Variants in DSC1 observed in about 807,000 individuals in gnomAD.
DSC1 encodes desmocollin 1, also known as desmocollin-1.
A neutral mutation model predicts 98.8 loss-of-function variants in DSC1; 79 were observed. The ratio of observed to expected loss-of-function variants is 0.80; its 90% CI spans 0.67 to 0.96. DSC1 has a LOEUF of 0.96. Among genes scored for constraint, DSC1 ranks in the 50% least tolerant of loss-of-function variants. The probability of loss-of-function intolerance (pLI) is 0.00; values close to 1 mark genes in which losing one functional copy is unlikely to be tolerated. For missense variants in DSC1, 1,115 were observed against 1,075.9 expected, an observed-to-expected ratio of 1.04 and a Z score of -0.51; for synonymous variants, 405 against 372.1, an observed-to-expected ratio of 1.09 and a Z score of -1.02.
At chr18:31,153,737 A>G (rs1238563737) in intron 5 of DSC1, among the ~76,000 whole-genome samples, 3 of 152,030 alleles carry the variant, frequency 2.0e-5, no homozygotes, top group Admixed American at 2.0e-4. Flanking sequence ...TTCAAATTAC[A>G]CTTCAGCCAG....
At chr18:31,160,894 A>G (rs1989196017) in intron 1 of DSC1, among the ~76,000 whole-genome samples, 2 of 152,130 alleles carry the variant, frequency 1.3e-5, no homozygotes, top group South Asian at 4.1e-4. Flanking sequence ...GTGTGTATAT[A>G]TATACACACA....
chr18:31,131,600 A>C lies in DSC1; in HGVS notation c.2481T>G (p.Leu827=). Residue 827 remains leucine (L), a synonymous_variant, in exon 15 of 16, where the codon CTT becomes CTG. Coordinates refer to ENST00000257198, the MANE Select transcript of DSC1 (RefSeq NM_024421.2). ...CAAAGACAGTGGAACTTACTTCGCC[A>C]AGCCGAGGTTGGGTGAAACTCTGCC... ...TDWQSFTQPR[L]GEKVYLCGQD... is the part of the protein sequence containing the mutation. 6.2e-7 allele frequency: 1 copy of C among 1,614,050 alleles called. No homozygotes were observed. The highest frequency in any genetic ancestry group is 1.7e-5 in the Admixed American group (1 of 59,998).
intron 15 of DSC1, 196 bp downstream of exon 15, chr18:31,131,398 A>G: frequency 1.3e-6 from 1 of 756,634 alleles, no homozygotes; most frequent in Non-Finnish European, 2.1e-6. Flanking sequence ...AAGTTTTGTA[A>G]ACTGTATTTT....
In DSC1 at chr18:31,142,083, G is replaced by A; in HGVS notation, c.1176C>T (p.Tyr392=). 1 of 1,612,990 alleles carries A rather than the reference G, an allele frequency of 6.2e-7. No homozygotes were observed. Residue 392 remains tyrosine (Y), a synonymous_variant, in exon 9 of 16, where the codon TAC becomes TAT. Coordinates refer to ENST00000257198, the MANE Select transcript of DSC1 (RefSeq NM_024421.2). ...LPNTPHSKAV[Y]KILQGNENGN... is the part of the protein sequence containing the mutation. ...CATTTTCATTTCCTTGTAGGATTTT[G>A]TATACAGCCTTTGAGTGAGGAGTGT...
At chr18:31,138,261 G>A (rs1231566005) in intron 11 of DSC1, among the ~76,000 whole-genome samples, 1 of 151,930 alleles carries the variant, frequency 6.6e-6, no homozygotes, top group Non-Finnish European at 1.5e-5. Context: ...TCTCCAGATA[G>A]CATTTTATTT....
Position 31,140,173 on chromosome 18 carries a change from T to C in DSC1, c.1389A>G (p.Ile463Met), listed in dbSNP as rs1331484016. 4 of 1,614,064 alleles carry C rather than the reference T, an allele frequency of 2.5e-6. No individual in the cohort carries two copies. The Admixed American group carries it at 5.0e-5, about 20-fold the overall frequency. The part of the protein sequence containing the change: ...MCTTTVTVKI[I>M]DSDEGPECHP... ...GGCATTCAGGGCCCTCATCACTGTC[T>C]ATAATTTTAACGGTGACAGTTGTAG... Residue 463 changes from isoleucine (I) to methionine (M), a missense_variant, in exon 10 of 16, where the codon ATA (isoleucine) becomes ATG (methionine). Physicochemically the swap from Ile to Met is conservative, Grantham distance 10. Transcript: ENST00000257198.
At chr18:31,153,110 T>C (rs1035814078) in intron 5 of DSC1, among the ~76,000 whole-genome samples, 1 of 152,046 alleles carries the variant, frequency 6.6e-6, no homozygotes, top group African/African-American at 2.4e-5. Context: ...AGTAACTTAT[T>C]TTTAATTATA....
rs574817408 is a variant in DSC1, at chr18:31,158,124, A to G, written c.149-551T>C. ...TCTACTAAAAATACAAAAATTAGCC[A>G]AGCATGGTGGCGTGCACCTGTAATT... On this transcript the variant is annotated intron_variant, in intron 2 of 15. Coordinates refer to ENST00000257198, the MANE Select transcript of DSC1 (RefSeq NM_024421.2). 3.9e-5 allele frequency among the ~76,000 whole-genome samples: 6 copies of G among 152,166 alleles called. 1 individual carries two copies. The South Asian group carries it at 6.2e-4, about 16-fold the overall frequency.
chr18:31,150,772 T>C (rs1453184196), intron 5 of DSC1: 1 of 152,240 alleles, frequency 6.6e-6, no homozygotes, highest in Non-Finnish European at 1.5e-5. Context: ...TGGATAAAAC[T>C]ATAAAATGGT....
At chr18:31,150,336 C>CCATCATCACCACTACCACTAT (rs1309030196) in intron 5 of DSC1, among the ~76,000 whole-genome samples, 1 of 32,504 alleles carries the variant, frequency 3.1e-5, no homozygotes, top group East Asian at 9.9e-4. Context: ...ACCACCACCA[C>CCATCATCACCACTACCACTAT]TACCATCACC....
At chr18:31,143,872 C>T (rs12454734) in intron 7 of DSC1, 81 bp from the exon 8 acceptor site, 232,931 of 1,021,358 alleles carry the variant, frequency 0.23, 31,750 homozygotes, top group East Asian at 0.59. Context: ...TGTTTAGGCA[C>T]GATTATTGTA....
chr18:31,130,679 A>G lies in DSC1; in HGVS notation c.2520T>C (p.His840=), dbSNP rs770236384. The G allele has an allele frequency of 1.2e-6, 2 of 1,614,168 alleles. No individual in the cohort carries two copies. Among genetic ancestry groups the G allele is most frequent in the East Asian group, 4.5e-5 (2 of 44,886 alleles). ...KVYLCGQDEE[H]KHCEDYVCSY... ...AACAAACGTAGTCTTCACAATGTTT[A>G]TGCTCCTCATCTTGTCCACACAAAT... Residue 840 remains histidine, a synonymous_variant, in exon 16 of 16, where the codon CAT becomes CAC. Transcript: ENST00000257198.
intron 8 of DSC1, 110 bp downstream of exon 8, chr18:31,143,544 AGTT>A: frequency 1.4e-6 from 1 of 701,180 alleles, no homozygotes; most frequent in African/African-American, 1.8e-5. Flanking sequence ...TGTAAGTAGT[AGTT>A]ATTTAAATCA....
chr18:31,134,709 T>A lies in DSC1; in HGVS notation c.1739A>T (p.Glu580Val), dbSNP rs967862197. 1 of 1,613,278 alleles carries A rather than the reference T, an allele frequency of 6.2e-7. No individual in the cohort carries two copies. The highest frequency in any genetic ancestry group is 8.5e-7 in the Non-Finnish European group (1 of 1,179,530). The change falls in exon 12 of 16, where the codon GAA (glutamate) becomes GTA (valine). Residue 580 changes from glutamate (E) to valine (V), a missense_variant. Coordinates refer to ENST00000257198, the MANE Select transcript of DSC1 (RefSeq NM_024421.2). Reference protein sequence around the residue: ...YNDHAPQIDKEVTICQNNEDF... With the variant: ...YNDHAPQIDKVVTICQNNEDF... ...CTCATTATTCTGACAAATGGTCACT[T>A]CTTTGTCAATTTGAGGTGCGTGATC...
chr18:31,154,829 G>C lies in DSC1; in HGVS notation c.572C>G (p.Thr191Ser). The change falls in exon 5 of 16, where the codon ACT becomes AGT. Residue 191 changes from threonine (T) to serine (S), a missense_variant. Thr to Ser is a moderately conservative substitution (Grantham distance 58). Coordinates refer to ENST00000257198, the MANE Select transcript of DSC1 (RefSeq NM_024421.2). ...GCTCCTTGTACAAAAGATATCCCCA[G>C]TGTCTTTCTCTATGTAAAACAAATT... ...PFNLFYIEKD[T>S]GDIFCTRSID... 1 of 1,613,876 alleles carries C rather than the reference G, an allele frequency of 6.2e-7. No individual in the cohort carries two copies. Among genetic ancestry groups the C allele is most frequent in the Non-Finnish European group, 8.5e-7 (1 of 1,179,902 alleles).
At chr18:31,138,286 C>T (rs544614159) in intron 11 of DSC1, among the ~76,000 whole-genome samples, 98 of 151,980 alleles carry the variant, frequency 6.4e-4, no homozygotes, top group South Asian at 1.2e-3. Flanking sequence ...AAAATTAGGC[C>T]TCTGCATTTC....
intron 2 of DSC1, among the ~76,000 whole-genome samples, chr18:31,158,601 C>T (rs1389672363): frequency 6.6e-6 from 1 of 152,064 alleles, no homozygotes; most frequent in Non-Finnish European, 1.5e-5. Context: ...TACGTTTGGG[C>T]TCAGAACAAC....
chr18:31,137,144 C>T (rs1254959907), intron 11 of DSC1, among the ~76,000 whole-genome samples: 1 of 151,974 alleles, frequency 6.6e-6, no homozygotes, highest in Non-Finnish European at 1.5e-5. Flanking sequence ...AATCAGCCTA[C>T]TCTATAAATT....
At position 31,159,531 on chromosome 18, in the gene DSC1, T is replaced by TTA; in HGVS notation, c.64-3_64-2insTA. 8.7e-7 allele frequency: 1 copy of TTA among 1,146,490 alleles called. No individual in the cohort carries two copies. The allele number at this position is 1,146,490 out of a possible 1,614,324, so 71.0% of individuals were successfully genotyped here. ...AGCATCGCAAAGTAATGTTAAAACC[T>TTA]CAAAAAAAAAAAAAGAAAAAATATC... On this transcript the variant is annotated splice_region_variant and splice_polypyrimidine_tract_variant and intron_variant, in intron 1 of 15. Transcript: ENST00000257198.
Sources: allele counts gnomAD v4.1 joint callset (sites outside exome capture counted in the v4.1 genomes callset), GRCh38; gene constraint gnomAD v4.1.1; transcripts MANE v1.5; gene names NCBI Gene and HGNC (gene_info 2026-07-23, HGNC 2026-07-21).